The following YTHDC2 variants were observed in gnomAD, a reference collection of about 807,000 sequenced individuals.
YTHDC2 encodes the protein YTH N6-methyladenosine RNA binding protein C2.
YTHDC2 carries 45 observed loss-of-function variants against 174.9 expected under a neutral mutation model. The observed-to-expected ratio is 0.26, with a 90% CI of 0.20 to 0.33. YTHDC2 has a LOEUF of 0.33. Ranked by LOEUF, YTHDC2 falls within the 10% of genes least tolerant of loss-of-function variation. YTHDC2 has a pLI of 1.00. For missense variants in YTHDC2, 1,650 were observed against 1,723.7 expected (o/e 0.96, Z 0.76); for synonymous variants, 657 against 574.5 (o/e 1.14, Z -2.05).
rs1030652392 is a variant in YTHDC2, at chr5:113,593,772, C to T, written c.*298C>T. On this transcript the variant is annotated 3_prime_UTR_variant, in exon 30 of 30. Transcript: ENST00000161863. Reference sequence around the variant, plus strand: ...AAGTTAAACATTTCATTTTTAAAAACACTGAATTACAGTTCTTATTGATGA... The same window carrying T: ...AAGTTAAACATTTCATTTTTAAAAATACTGAATTACAGTTCTTATTGATGA... 2 of 157,282 alleles carry T rather than the reference C, an allele frequency of 1.3e-5. No individual in the cohort carries two copies. The highest frequency in any genetic ancestry group is 2.8e-5 in the Non-Finnish European group (2 of 70,948). 9.7% of individuals were successfully genotyped at this position (157,282 alleles called of 1,614,324 possible). A position where few individuals can be genotyped will look rare whatever the true frequency, so the allele number is the denominator to read the frequency against.
chr5:113,541,156 A>C (rs1775429491), intron 9 of YTHDC2, 40 bp downstream of exon 9: 2 of 1,611,724 alleles, frequency 1.2e-6, no homozygotes, highest in Non-Finnish European at 1.7e-6. Flanking sequence ...TTTGTGTGAA[A>C]ATTGTGTAGG....
At chr5:113,531,075 G>A (rs1774623076) in intron 4 of YTHDC2, among the ~76,000 whole-genome samples, 1 of 152,052 alleles carries the variant, frequency 6.6e-6, no homozygotes, top group African/African-American at 2.4e-5. Flanking sequence ...TGTAGGTAAG[G>A]GTTTTCCCCC....
chr5:113,525,330 CAA>C lies in YTHDC2; in HGVS notation c.475+155_475+156del, dbSNP rs200006011. On this transcript the variant is annotated intron_variant, in intron 3 of 29. Transcript: ENST00000161863. ...GATTAAGAGTTGTAAAAATTTGAAA[CAA>C]AGTGCAGTGTTAAAGCATGTCATTA... 5.4e-3 allele frequency among the ~76,000 whole-genome samples: 819 copies of C among 151,764 alleles called. 3 individuals carry two copies. Among genetic ancestry groups the C allele is most frequent in the Non-Finnish European group, 9.2e-3 (626 of 67,856 alleles).
At chr5:113,520,262 A>C (rs907285819) in intron 2 of YTHDC2, among the ~76,000 whole-genome samples, 21 of 152,190 alleles carry the variant, frequency 1.4e-4, no homozygotes, top group Middle Eastern at 3.4e-3. Context: ...CAATAAACAT[A>C]ATTTTATTTT....
At chr5:113,562,525 C>T (rs757349496) in intron 18 of YTHDC2, among the ~76,000 whole-genome samples, 7 of 152,296 alleles carry the variant, frequency 4.6e-5, no homozygotes, top group African/African-American at 7.2e-5. Context: ...TTAACAAGAG[C>T]GTAAATTGCC....
chr5:113,574,969 G>A (rs970210905), intron 23 of YTHDC2, among the ~76,000 whole-genome samples: 1 of 152,200 alleles, frequency 6.6e-6, no homozygotes, highest in Non-Finnish European at 1.5e-5. Flanking sequence ...GCTTCCCTTG[G>A]CTGGGGGTGA....
In YTHDC2 at chr5:113,566,031, C is replaced by G; in HGVS notation, c.2842+12C>G. ...ACTTAGAGCATCAGGTAAAGTTTTT[C>G]CCTCAAAGAGCCTATTTAAGTTACT... On this transcript the variant is annotated intron_variant, in intron 21 of 29. Coordinates refer to ENST00000161863, the MANE Select transcript of YTHDC2 (RefSeq NM_022828.5). 1 of 1,594,556 alleles carries G rather than the reference C, an allele frequency of 6.3e-7. No homozygotes were observed. Among genetic ancestry groups the G allele is most frequent in the East Asian group, 2.3e-5 (1 of 44,194 alleles).
chr5:113,575,837 G>A (rs754964403), intron 23 of YTHDC2, among the ~76,000 whole-genome samples: 18 of 152,184 alleles, frequency 1.2e-4, no homozygotes, highest in Non-Finnish European at 1.9e-4. Flanking sequence ...GGCTTTTGCA[G>A]TGGTCTTCTA....
chr5:113,567,609 G>A (rs773069800), intron 22 of YTHDC2, 45 bp from the exon 23 acceptor site: 6 of 1,434,382 alleles, frequency 4.2e-6, no homozygotes, highest in Non-Finnish European at 5.7e-6. Context: ...AATAAACTAG[G>A]TGATAAACAC....
At chr5:113,535,545 T>G in intron 6 of YTHDC2, 97 bp from the exon 7 acceptor site, 1 of 1,186,004 alleles carries the variant, frequency 8.4e-7, no homozygotes, top group African/African-American at 1.6e-5. Context: ...CACATTTAAT[T>G]TGAATTAGTG....
At chr5:113,533,079 C>A in intron 5 of YTHDC2, 34 bp downstream of exon 5, 1 of 1,604,888 alleles carries the variant, frequency 6.2e-7, no homozygotes, top group South Asian at 1.1e-5. Context: ...TCTCTTTTAT[C>A]ATGCTTAAAA....
At position 113,566,025 on chromosome 5, in the gene YTHDC2, GT is replaced by G; in HGVS notation, c.2842+11del. On this transcript the variant is annotated splice_region_variant and intron_variant, in intron 21 of 29. Coordinates refer to ENST00000161863, the MANE Select transcript of YTHDC2 (RefSeq NM_022828.5). ...TGGTCAACTTAGAGCATCAGGTAAA[GT>G]TTTTCCCTCAAAGAGCCTATTTAAG... is the stretch of plus-strand genomic sequence containing the variant. The G allele has an allele frequency of 6.3e-7, 1 of 1,596,770 alleles. No homozygotes were observed. Among genetic ancestry groups the G allele is most frequent in the South Asian group, 1.1e-5 (1 of 87,854 alleles).
At position 113,522,140 on chromosome 5, in the gene YTHDC2, T is replaced by TG. The variant is rs1395711899; in HGVS notation, c.279-2840dup. Among the ~76,000 whole-genome samples the TG allele has an allele frequency of 1.4e-4, 10 of 71,480 alleles. No homozygotes were observed. In the South Asian group the frequency reaches 3.5e-3, roughly 25 times the overall value. 46.9% of individuals were successfully genotyped at this position (71,480 alleles called of 152,430 possible). A position where few individuals can be genotyped will look rare whatever the true frequency, so the allele number is the denominator to read the frequency against. ...ATGAATGCCTGTTTTTTTTGTTTTT[T>TG]GTTTTTTTTTTTTTTGGTGGTGGTT... On this transcript the variant is annotated intron_variant, in intron 2 of 29. Coordinates refer to ENST00000161863, the MANE Select transcript of YTHDC2 (RefSeq NM_022828.5).
At chr5:113,583,243 A>C (rs1778498518) in intron 25 of YTHDC2, 1 of 152,220 alleles carries the variant, frequency 6.6e-6, no homozygotes, top group Non-Finnish European at 1.5e-5. Context: ...ATTTTAACAG[A>C]TGCATATTTA....
rs1779191511 is a variant in YTHDC2 at position 113,595,080 on chromosome 5, T to A, written c.*1606T>A. ...ATAATGTGTACATTTTTTAGGCATG[T>A]ACTTAATAGTTCACAATGTTCTAAA... On this transcript the variant is annotated 3_prime_UTR_variant, in exon 30 of 30. Transcript: ENST00000161863. 1 of 152,152 alleles carries A rather than the reference T, an allele frequency of 6.6e-6. No homozygotes were observed. Among genetic ancestry groups the A allele is most frequent in the Non-Finnish European group, 1.5e-5 (1 of 68,006 alleles). 9.4% of individuals were successfully genotyped at this position (152,152 alleles called of 1,614,324 possible). A position where few individuals can be genotyped will look rare whatever the true frequency, so the allele number is the denominator to read the frequency against.
intron 21 of YTHDC2, 66 bp downstream of exon 21, chr5:113,566,085 T>G: frequency 6.9e-7 from 1 of 1,439,652 alleles, no homozygotes; most frequent in South Asian, 1.6e-5. Context: ...TTTCATAGTA[T>G]TTCTTATGTT....
intron 4 of YTHDC2, among the ~76,000 whole-genome samples, chr5:113,531,249 A>G (rs964616895): frequency 6.6e-6 from 1 of 152,184 alleles, no homozygotes; most frequent in Non-Finnish European, 1.5e-5. Context: ...GTGATGGATG[A>G]GAGACATACA....
Position 113,561,067 on chromosome 5 carries a change from C to T in YTHDC2, c.2217-13C>T. ...TCGTTGTTTGAGTCCTAATCTTGTA[C>T]TTTATTTTTAAGGGCAGGGCGATGT... On this transcript the variant is annotated splice_polypyrimidine_tract_variant and intron_variant, in intron 17 of 29. Transcript: ENST00000161863. The T allele has an allele frequency of 1.3e-6, 2 of 1,592,314 alleles. No homozygotes were observed. Among genetic ancestry groups the T allele is most frequent in the Non-Finnish European group, 8.6e-7 (1 of 1,168,582 alleles).
At chr5:113,533,500 G>C (rs1458774097) in intron 5 of YTHDC2, among the ~76,000 whole-genome samples, 1 of 151,026 alleles carries the variant, frequency 6.6e-6, no homozygotes, top group Non-Finnish European at 1.5e-5. Flanking sequence ...GGTGAGCTGA[G>C]ATCGCACCAT....
Sources: gnomAD v4.1 joint callset for allele counts (sites outside exome capture counted in the v4.1 genomes callset) on GRCh38, gnomAD v4.1.1 for gene constraint, MANE v1.5 for transcripts, NCBI Gene and HGNC (gene_info 2026-07-23, HGNC 2026-07-21) for gene names.